The following SPNS3 variants were observed in gnomAD, a reference collection of about 807,000 sequenced individuals.
SPNS3 encodes the protein protein spinster homolog 3.
SPNS3 carries 51 observed loss-of-function variants against 54.4 expected under a neutral mutation model. The ratio of observed to expected loss-of-function variants is 0.94; its 90% CI spans 0.75 to 1.18. The LOEUF (loss-of-function observed/expected upper bound fraction) is 1.18, where lower values mean the gene tolerates loss of function less well. SPNS3 is among the 50% of genes most tolerant of loss of function. The probability of loss-of-function intolerance (pLI) is 0.00; values close to 1 mark genes in which losing one functional copy is unlikely to be tolerated. For synonymous variants in SPNS3, 309 were observed against 294.7 expected, an observed-to-expected ratio of 1.05 and a Z score of -0.50; for missense variants, 669 against 677.4, an observed-to-expected ratio of 0.99 and a Z score of 0.14.
intron 8 of SPNS3, among the ~76,000 whole-genome samples, chr17:4,465,118 T>G (rs924556807): frequency 6.6e-6 from 1 of 152,234 alleles, no homozygotes; most frequent in Non-Finnish European, 1.5e-5. Flanking sequence ...CCACTTGGTG[T>G]TAGCTAGGCT....
chr17:4,444,607 C>A (rs9906998), intron 2 of SPNS3, among the ~76,000 whole-genome samples: 2,736 of 152,208 alleles, frequency 0.018, 71 homozygotes, highest in African/African-American at 0.062. Context: ...CCCGTTGCCC[C>A]AGTAGGTGCA....
At chr17:4,475,380 C>T (rs571105674) in intron 8 of SPNS3, among the ~76,000 whole-genome samples, 2 of 152,240 alleles carry the variant, frequency 1.3e-5, no homozygotes, top group East Asian at 1.9e-4. Flanking sequence ...AGGAGATGGC[C>T]GGGGAGGCCT....
intron 7 of SPNS3, among the ~76,000 whole-genome samples, chr17:4,450,868 G>C (rs950348772): frequency 6.7e-6 from 1 of 149,192 alleles, no homozygotes; most frequent in African/African-American, 2.5e-5. Flanking sequence ...TCAGCCTCCC[G>C]AAGTGCTGGA....
At chr17:4,478,075 T>C (rs1445568490) in intron 8 of SPNS3, among the ~76,000 whole-genome samples, 6 of 148,612 alleles carry the variant, frequency 4.0e-5, no homozygotes, top group African/African-American at 1.5e-4. Flanking sequence ...GGGTTCAAGC[T>C]ATTCTCCTGC....
chr17:4,481,183 GACAGA>G (rs1477781747), intron 9 of SPNS3, among the ~76,000 whole-genome samples: 1 of 151,944 alleles, frequency 6.6e-6, no homozygotes, highest in Non-Finnish European at 1.5e-5. Flanking sequence ...AAGAGGGGAG[GACAGA>G]ACAGCCTCCA....
At chr17:4,468,212 G>A (rs1049737635) in intron 8 of SPNS3, among the ~76,000 whole-genome samples, 2 of 152,106 alleles carry the variant, frequency 1.3e-5, no homozygotes, top group African/African-American at 2.4e-5. Flanking sequence ...CAGCTCAGGT[G>A]GAAGAATCGC....
intron 8 of SPNS3, among the ~76,000 whole-genome samples, chr17:4,468,755 T>TTCTTTCTC (rs965668698): frequency 2.1e-5 from 3 of 143,966 alleles, no homozygotes; most frequent in African/African-American, 8.5e-5. Context: ...CTTTCTTTCT[T>TTCTTTCTC]TCTTTCTCTC....
intron 7 of SPNS3, among the ~76,000 whole-genome samples, chr17:4,449,945 A>G (rs1388871255): frequency 6.6e-6 from 1 of 151,888 alleles, no homozygotes; most frequent in African/African-American, 2.4e-5. Context: ...TTCTGTTCCT[A>G]TCGCCTTTGA....
chr17:4,456,731 T>C (rs760791818), intron 8 of SPNS3, among the ~76,000 whole-genome samples: 1 of 151,986 alleles, frequency 6.6e-6, no homozygotes, highest in Non-Finnish European at 1.5e-5. Flanking sequence ...GGTTTTTTTT[T>C]TGAGACAGGG....
chr17:4,436,425 T>A (rs1291995952), intron 1 of SPNS3, among the ~76,000 whole-genome samples: 1 of 152,024 alleles, frequency 6.6e-6, no homozygotes, highest in African/African-American at 2.4e-5. Context: ...AAACCTTGTC[T>A]CTACAAAAAA....
rs1452884236 is a variant in SPNS3, at chr17:4,458,454, CTTCT to C, written c.1113+5261_1113+5264del. ...TCCTTCCTCCCTCCCTCCCTTCTTT[CTTCT>C]TTCTTTCTTTCCATTTTCTTTCTTT... is the stretch of plus-strand genomic sequence containing the variant. On this transcript the variant is annotated intron_variant, in intron 8 of 11. Transcript: ENST00000355530. Among the ~76,000 whole-genome samples, 14 of 90,270 alleles carry C rather than the reference CTTCT, an allele frequency of 1.6e-4. 1 individual carries two copies. The highest frequency in any genetic ancestry group is 9.5e-4 in the East Asian group (4 of 4,214). 59.2% of individuals were successfully genotyped at this position (90,270 alleles called of 152,430 possible). A position where few individuals can be genotyped will look rare whatever the true frequency, so the allele number is the denominator to read the frequency against.
At chr17:4,451,167 G>A (rs1171450569) in intron 7 of SPNS3, among the ~76,000 whole-genome samples, 1 of 152,078 alleles carries the variant, frequency 6.6e-6, no homozygotes, top group Non-Finnish European at 1.5e-5. Flanking sequence ...CCGGGATTTG[G>A]GTCATTTGAC....
At chr17:4,448,470 C>T (rs1183451186) in intron 6 of SPNS3, among the ~76,000 whole-genome samples, 167 bp downstream of exon 6, 4 of 152,194 alleles carry the variant, frequency 2.6e-5, no homozygotes, top group African/African-American at 9.6e-5. Context: ...GCCTCTCCCT[C>T]CCTTAGGGCT....
At chr17:4,435,447 A>T (rs569113502) in intron 1 of SPNS3, among the ~76,000 whole-genome samples, 65 of 148,378 alleles carry the variant, frequency 4.4e-4, no homozygotes, top group South Asian at 2.3e-3. Context: ...TCTCAAAAAA[A>T]AAAAAATAAA....
intron 7 of SPNS3, among the ~76,000 whole-genome samples, chr17:4,452,245 C>A (rs1028724666): frequency 6.6e-6 from 1 of 152,022 alleles, no homozygotes; most frequent in African/African-American, 2.4e-5. Context: ...TACAGGTGCA[C>A]GCCACCAAGG....
chr17:4,453,644 T>C (rs1448215481), intron 8 of SPNS3, among the ~76,000 whole-genome samples: 1 of 152,074 alleles, frequency 6.6e-6, no homozygotes, highest in Admixed American at 6.6e-5. Flanking sequence ...GAGAGAAGCT[T>C]ACCAGGAGTT....
At position 4,488,015 on chromosome 17, in the gene SPNS3, T is replaced by G. The variant is rs1972370883; in HGVS notation, c.*121T>G. 13 of 830,272 alleles carry G rather than the reference T, an allele frequency of 1.6e-5. No individual in the cohort carries two copies. Among genetic ancestry groups the G allele is most frequent in the Non-Finnish European group, 2.2e-5 (11 of 511,404 alleles). The allele number at this position is 830,272 out of a possible 1,614,324, so 51.4% of individuals were successfully genotyped here. ...CTGAGGCACATCTGCCACTTTTGAATTCCCGGCTGGAGAGCTGGCAGGACC... is the reference window on the plus strand; with the variant it reads ...CTGAGGCACATCTGCCACTTTTGAAGTCCCGGCTGGAGAGCTGGCAGGACC... On this transcript the variant is annotated 3_prime_UTR_variant, in exon 12 of 12. Coordinates refer to ENST00000355530, the MANE Select transcript of SPNS3 (RefSeq NM_182538.5).
At chr17:4,434,549 T>G (rs954312088) in intron 1 of SPNS3, among the ~76,000 whole-genome samples, 14 of 151,950 alleles carry the variant, frequency 9.2e-5, no homozygotes, top group African/African-American at 3.4e-4. Context: ...CAGGCTGGAG[T>G]GTAGTGGCGC....
chr17:4,463,184 G>A (rs1971584129), intron 8 of SPNS3, among the ~76,000 whole-genome samples: 1 of 151,960 alleles, frequency 6.6e-6, no homozygotes, highest in Non-Finnish European at 1.5e-5. Context: ...GATCACTTGA[G>A]GTCAGGAGTT....
Sources: gnomAD v4.1 joint callset for allele counts (sites outside exome capture counted in the v4.1 genomes callset) on GRCh38, gnomAD v4.1.1 for gene constraint, MANE v1.5 for transcripts, NCBI Gene and HGNC (gene_info 2026-07-23, HGNC 2026-07-21) for gene names.